Variants in NHSL1 observed in about 807,000 individuals in gnomAD.
The protein encoded by NHSL1 is NHS-like protein 1.
In NHSL1, 48 loss-of-function variants were observed where a neutral mutation model predicts 95.0. That is an observed-to-expected ratio of 0.51 (90% CI 0.40 to 0.64). The LOEUF (loss-of-function observed/expected upper bound fraction) is 0.64, where lower values mean the gene tolerates loss of function less well. Ranked by LOEUF, NHSL1 falls within the 30% of genes least tolerant of loss-of-function variation. The probability of loss-of-function intolerance (pLI) is 0.00; values close to 1 mark genes in which losing one functional copy is unlikely to be tolerated. For missense variants in NHSL1, 1,971 were observed against 2,077.7 expected (o/e 0.95, Z 1.00); for synonymous variants, 783 against 833.9 (o/e 0.94, Z 1.05).
chr6:138,586,919 G>T (rs1209393767), intron 1 of NHSL1, among the ~76,000 whole-genome samples: 2 of 151,702 alleles, frequency 1.3e-5, no homozygotes, highest in South Asian at 2.1e-4. Context: ...TTTCATAAAG[G>T]TTCTTATTCA....
intron 1 of NHSL1, among the ~76,000 whole-genome samples, chr6:138,649,874 T>C (rs1472356104): frequency 1.3e-5 from 2 of 152,166 alleles, no homozygotes; most frequent in Non-Finnish European, 2.9e-5. Flanking sequence ...GGGTGGGTTC[T>C]GACCCCATTA....
intron 1 of NHSL1, among the ~76,000 whole-genome samples, chr6:138,496,935 G>A (rs763322002): frequency 1.8e-4 from 27 of 152,160 alleles, no homozygotes; most frequent in Non-Finnish European, 3.4e-4. Context: ...GCTAATACAT[G>A]TGGAGACCCA....
intron 1 of NHSL1, among the ~76,000 whole-genome samples, chr6:138,523,436 AGTAGCTG>A (rs1246093777): frequency 1.3e-5 from 2 of 151,930 alleles, no homozygotes; most frequent in Non-Finnish European, 2.9e-5. Context: ...CAGCCTTCCA[AGTAGCTG>A]GGACTACAAG....
intron 1 of NHSL1, 25 bp downstream of exon 1, chr6:138,499,208 A>G: frequency 7.1e-7 from 1 of 1,410,224 alleles, no homozygotes; most frequent in Non-Finnish European, 9.8e-7. Context: ...CACAATAGGT[A>G]GTAGAGAGAA....
At chr6:138,539,034 CAA>C (rs1782476170) in intron 1 of NHSL1, among the ~76,000 whole-genome samples, 3 of 151,882 alleles carry the variant, frequency 2.0e-5, no homozygotes, top group African/African-American at 7.3e-5. Flanking sequence ...GTAACAACAA[CAA>C]AAAAAGTTCT....
intron 1 of NHSL1, among the ~76,000 whole-genome samples, chr6:138,564,549 G>C (rs1783534257): frequency 6.6e-6 from 1 of 152,002 alleles, no homozygotes; most frequent in Admixed American, 6.6e-5. Context: ...GAAAGTATTT[G>C]CTTAGCACAT....
chr6:138,437,026 C>T (rs1776147542), intron 5 of NHSL1, among the ~76,000 whole-genome samples: 1 of 152,066 alleles, frequency 6.6e-6, no homozygotes, highest in Admixed American at 6.5e-5. Context: ...AATCCCAACA[C>T]TTTGGGAGGC....
In NHSL1 at chr6:138,424,374, T is replaced by C; in HGVS notation, c.4528A>G (p.Arg1510Gly). 1 of 1,549,600 alleles carries C rather than the reference T, an allele frequency of 6.5e-7. No homozygotes were observed. The highest frequency in any genetic ancestry group is 8.7e-7 in the Non-Finnish European group (1 of 1,145,988). ...TGGATCCGGTTCCGCATGCTGTACC[T>C]GCTGCTGGCGGCAGAAGGCGGCGTT... ...SRTPPSAASS[R>G]YSMRNRIQSS... Residue 1510 changes from arginine to glycine, a missense_variant, in exon 8 of 8, where the codon AGG (arginine) becomes GGG (glycine). By Grantham distance (125) the Arg-to-Gly change is moderately radical (BLOSUM62 -2). Transcript: ENST00000343505. The surrounding 1 kb of genome is among the most constrained non-coding windows in gnomAD (Gnocchi z 5.9).
intron 3 of NHSL1, among the ~76,000 whole-genome samples, chr6:138,465,737 T>C (rs1778319383): frequency 6.8e-6 from 1 of 147,176 alleles, no homozygotes; most frequent in Non-Finnish European, 1.5e-5. Flanking sequence ...TTTTTTTTTT[T>C]TTTTGAGACA....
intron 1 of NHSL1, among the ~76,000 whole-genome samples, chr6:138,680,719 C>T (rs552431712): frequency 7.2e-5 from 11 of 152,228 alleles, no homozygotes; most frequent in East Asian, 3.9e-4. Context: ...CAGGTTCAAG[C>T]GACCCTCCAG....
rs1774985828 is a variant in NHSL1 at position 138,422,562 on chromosome 6, G to A, written c.*1519C>T. 6.6e-6 allele frequency: 1 copy of A among 152,100 alleles called. No individual in the cohort carries two copies. The highest frequency in any genetic ancestry group is 6.5e-5 in the Admixed American group (1 of 15,276). The allele number at this position is 152,100 out of a possible 1,614,324, so 9.4% of individuals were successfully genotyped here. On this transcript the variant is annotated 3_prime_UTR_variant, in exon 8 of 8. Coordinates refer to ENST00000343505, the MANE Select transcript of NHSL1 (RefSeq NM_001144060.2). Reference sequence around the variant, plus strand: ...CAAGACTCTCCGCATTGTCATCCTAGGTCCTTCTAATGAAGAAGACAATAC... The same window carrying A: ...CAAGACTCTCCGCATTGTCATCCTAAGTCCTTCTAATGAAGAAGACAATAC...
At chr6:138,486,043 G>GGAGA (rs1779708624) in intron 2 of NHSL1, among the ~76,000 whole-genome samples, 2 of 152,048 alleles carry the variant, frequency 1.3e-5, no homozygotes, top group African/African-American at 4.8e-5. Context: ...ATTCCCTCTA[G>GGAGA]GAGACAGAGG....
intron 2 of NHSL1, among the ~76,000 whole-genome samples, chr6:138,485,561 C>T (rs1264205172): frequency 2.0e-5 from 3 of 152,024 alleles, no homozygotes; most frequent in Non-Finnish European, 4.4e-5. Flanking sequence ...TTCCCTCTCC[C>T]GAGTTAAGGA....
In NHSL1 at chr6:138,683,306, G is replaced by T. The variant is rs552227248; in HGVS notation, c.96+9170C>A. Among the ~76,000 whole-genome samples, 3 of 152,328 alleles carry T rather than the reference G, an allele frequency of 2.0e-5. No individual in the cohort carries two copies. The East Asian group carries it at 5.8e-4, about 29-fold the overall frequency. ...TGACACCAGCTCTCATGTAGCCGTG[G>T]TCAGCTTTCATCTTCCAGGCTTCAG... On this transcript the variant is annotated intron_variant, in intron 1 of 3. Coordinates refer to the NHSL1 transcript ENST00000491526.
At position 138,426,350 on chromosome 6, in the gene NHSL1, A is replaced by C. The variant is rs151157016; in HGVS notation, c.4086-1534T>G. ...CATGCCATGCCTCCTCACTTATAAG[A>C]TACCAACCTCACAGGTTTGTGAAGA... On this transcript the variant is annotated intron_variant, in intron 7 of 7. Coordinates refer to ENST00000343505, the MANE Select transcript of NHSL1 (RefSeq NM_001144060.2). 4.6e-3 allele frequency among the ~76,000 whole-genome samples: 695 copies of C among 152,356 alleles called. 6 individuals carry two copies. The highest frequency in any genetic ancestry group is 0.02 in the Admixed American group (300 of 15,288).
At chr6:138,443,425 T>C (rs1209058748) in intron 4 of NHSL1, among the ~76,000 whole-genome samples, 5 of 152,186 alleles carry the variant, frequency 3.3e-5, no homozygotes, top group African/African-American at 1.2e-4. Context: ...ATGGCATAAA[T>C]GGCACATGTG....
chr6:138,597,343 T>G (rs1022720391), intron 1 of NHSL1, among the ~76,000 whole-genome samples: 1 of 152,152 alleles, frequency 6.6e-6, no homozygotes, highest in Non-Finnish European at 1.5e-5. Context: ...GCCTGGAAAT[T>G]TTAATTCCAT....
At chr6:138,470,887 T>C (rs895201341) in intron 3 of NHSL1, among the ~76,000 whole-genome samples, 3 of 152,194 alleles carry the variant, frequency 2.0e-5, no homozygotes, top group African/African-American at 7.2e-5. Flanking sequence ...GGTCTAGTGA[T>C]GCCAGTGCCA....
In NHSL1 at chr6:138,655,911, G is replaced by C. The variant is rs569392188; in HGVS notation, c.96+36565C>G. On this transcript the variant is annotated intron_variant, in intron 1 of 3. Transcript: ENST00000491526. ...GATAAAAACACAAGACCCCCACCAA[G>C]GCAGCTGGAAGTTGACATACACAGT... 3.9e-5 allele frequency among the ~76,000 whole-genome samples: 6 copies of C among 152,254 alleles called. 1 individual carries two copies. The Middle Eastern group carries it at 0.02, about 518-fold the overall frequency.
Sources: allele counts gnomAD v4.1 joint callset (sites outside exome capture counted in the v4.1 genomes callset), GRCh38; gene constraint gnomAD v4.1.1; non-coding constraint Gnocchi (gnomAD v3.1); transcripts MANE v1.5; gene names NCBI Gene and HGNC (gene_info 2026-07-23, HGNC 2026-07-21).